NCOA2: variants seen among roughly 807,000 people sequenced by gnomAD.
The protein encoded by NCOA2 is class E basic helix-loop-helix protein 75.
NCOA2 carries 21 observed loss-of-function variants against 145.1 expected under a neutral mutation model. That is an observed-to-expected ratio of 0.14 (90% CI 0.10 to 0.21). The LOEUF (loss-of-function observed/expected upper bound fraction) is 0.21. NCOA2 is among the 10% of genes least tolerant of loss of function. The pLI is 1.00. For missense variants in NCOA2, 1,472 were observed against 1,837.6 expected, an observed-to-expected ratio of 0.80 and a Z score of 3.64; for synonymous variants, 619 against 637.5, an observed-to-expected ratio of 0.97 and a Z score of 0.44.
intron 4 of NCOA2, among the ~76,000 whole-genome samples, chr8:70,213,051 C>A (rs1242591133): frequency 6.6e-6 from 1 of 150,578 alleles, no homozygotes; most frequent in Non-Finnish European, 1.5e-5. Flanking sequence ...CACCACTGCA[C>A]CCCAGCCTGG....
intron 1 of NCOA2, among the ~76,000 whole-genome samples, chr8:70,363,469 T>C (rs1390779444): frequency 6.6e-6 from 1 of 152,062 alleles, no homozygotes; most frequent in East Asian, 1.9e-4. Context: ...AAATAAAAAT[T>C]TATGTTCCTA....
At chr8:70,160,016 T>C (rs1812765262) in intron 9 of NCOA2, among the ~76,000 whole-genome samples, 1 of 152,220 alleles carries the variant, frequency 6.6e-6, no homozygotes, top group Non-Finnish European at 1.5e-5. Context: ...ACACAATGTA[T>C]AAACAGGGTA....
intron 1 of NCOA2, among the ~76,000 whole-genome samples, chr8:70,298,429 T>C (rs1586411813): frequency 6.6e-6 from 1 of 152,154 alleles, no homozygotes; most frequent in Non-Finnish European, 1.5e-5. Context: ...AGAATCTATA[T>C]GCAAATAAGA....
At chr8:70,358,332 T>C (rs983206713) in intron 1 of NCOA2, among the ~76,000 whole-genome samples, 5 of 152,130 alleles carry the variant, frequency 3.3e-5, no homozygotes, top group African/African-American at 9.7e-5. Context: ...AAGAACAAAG[T>C]TGAAGAACTC....
At chr8:70,284,371 A>G (rs1403883113) in intron 2 of NCOA2, among the ~76,000 whole-genome samples, 1 of 152,238 alleles carries the variant, frequency 6.6e-6, no homozygotes, top group East Asian at 1.9e-4. Context: ...AGTAGTCACA[A>G]AGAAAACATG....
At chr8:70,321,176 G>A (rs1806020437) in intron 1 of NCOA2, among the ~76,000 whole-genome samples, 1 of 152,100 alleles carries the variant, frequency 6.6e-6, no homozygotes, top group South Asian at 2.1e-4. Context: ...CTATTGTACA[G>A]CATGGAAAGT....
intron 10 of NCOA2, 108 bp downstream of exon 10, chr8:70,159,397 T>G: frequency 5.5e-5 from 55 of 999,142 alleles, no homozygotes; most frequent in Non-Finnish European, 7.5e-5. Flanking sequence ...CTGGGATTGA[T>G]GAGAAGAAAT....
intron 10 of NCOA2, among the ~76,000 whole-genome samples, 188 bp from the exon 11 acceptor site, chr8:70,157,428 A>G (rs1310152842): frequency 6.6e-6 from 1 of 152,222 alleles, no homozygotes; most frequent in East Asian, 1.9e-4. Context: ...TTGGACCAAG[A>G]GGGATGTTTT....
the NCOA2 span, among the ~76,000 whole-genome samples, chr8:70,433,110 A>C: frequency 6.6e-6 from 1 of 152,208 alleles, no homozygotes; most frequent in Admixed American, 6.5e-5. Context: ...AAGTCAGTAA[A>C]TTGAATTTAT....
At chr8:70,432,403 T>C in the NCOA2 span, among the ~76,000 whole-genome samples, 1 of 152,224 alleles carries the variant, frequency 6.6e-6, no homozygotes, top group East Asian at 1.9e-4. Flanking sequence ...GGCTCATGCC[T>C]GTAATCCCAG....
chr8:70,393,108 G>A (rs1813349931), intron 1 of NCOA2, among the ~76,000 whole-genome samples: 1 of 152,272 alleles, frequency 6.6e-6, no homozygotes, highest in African/African-American at 2.4e-5. Flanking sequence ...AGGGAACTCA[G>A]CCTCTGAAAA....
At chr8:70,325,261 C>A (rs1232948766) in intron 1 of NCOA2, among the ~76,000 whole-genome samples, 1 of 152,154 alleles carries the variant, frequency 6.6e-6, no homozygotes. Flanking sequence ...ATATGCTCAA[C>A]TGGTAAGGCT....
chr8:70,432,862 G>A, the NCOA2 span, among the ~76,000 whole-genome samples: 1 of 151,876 alleles, frequency 6.6e-6, no homozygotes, highest in Non-Finnish European at 1.5e-5. Context: ...TTTGGTTAAA[G>A]CCCCAATATT....
chr8:70,231,783 T>TCCTC, intron 2 of NCOA2, among the ~76,000 whole-genome samples: 1 of 152,164 alleles, frequency 6.6e-6, no homozygotes, highest in Admixed American at 6.5e-5. Context: ...AAAGATGCCC[T>TCCTC]TATATAGAAT....
intron 15 of NCOA2, 150 bp from the exon 16 acceptor site, chr8:70,132,152 C>T (rs1260305791): frequency 1.3e-6 from 1 of 760,962 alleles, no homozygotes; most frequent in East Asian, 2.7e-5. Flanking sequence ...AAAGGACAGT[C>T]TGAAATATTC....
chr8:70,236,291 T>G (rs926886549), intron 2 of NCOA2, among the ~76,000 whole-genome samples: 2 of 152,184 alleles, frequency 1.3e-5, no homozygotes, highest in African/African-American at 4.8e-5. Context: ...TTAAAATCCT[T>G]CAATAGTCTT....
At chr8:70,380,804 G>A (rs887889638) in intron 1 of NCOA2, among the ~76,000 whole-genome samples, 11 of 152,098 alleles carry the variant, frequency 7.2e-5, no homozygotes, top group African/African-American at 1.4e-4. Flanking sequence ...GCCTGTGGCC[G>A]TGGCTCCCGT....
At chr8:70,253,745 TAACTC>T (rs1823399640) in intron 2 of NCOA2, among the ~76,000 whole-genome samples, 1 of 152,230 alleles carries the variant, frequency 6.6e-6, no homozygotes, top group South Asian at 2.1e-4. Flanking sequence ...ATACAAAAAT[TAACTC>T]AAAATGATTA....
At chr8:70,273,627 C>T (rs899817549) in intron 2 of NCOA2, 9 of 737,694 alleles carry the variant, frequency 1.2e-5, no homozygotes, top group Admixed American at 7.1e-5. Context: ...TTCACCATTA[C>T]AGGCTATACT....
Sources: allele counts gnomAD v4.1 joint callset (sites outside exome capture counted in the v4.1 genomes callset), GRCh38; gene constraint gnomAD v4.1.1; transcripts MANE v1.5; gene names NCBI Gene and HGNC (gene_info 2026-07-23, HGNC 2026-07-21).